CD70: variants seen among roughly 807,000 people sequenced by gnomAD.
CD70 encodes CD70 antigen.
In CD70, 6 loss-of-function variants were observed where a neutral mutation model predicts 9.0. That is an observed-to-expected ratio of 0.67 (90% CI 0.37 to 1.32). The LOEUF is 1.32. Ranked by LOEUF, CD70 falls within the 40% of genes most tolerant of loss-of-function variation. The pLI, the probability that CD70 is intolerant of heterozygous loss-of-function variation, is 0.02. For missense variants in CD70, 235 were observed against 258.7 expected (o/e 0.91, Z 0.63); for synonymous variants, 108 against 112.3 (o/e 0.96, Z 0.24).
chr19:6,585,684 T>A (rs1915998957), downstream of CD70, among the ~76,000 whole-genome samples: 1 of 151,388 alleles, frequency 6.6e-6, no homozygotes, highest in African/African-American at 2.4e-5. Flanking sequence ...AGAACATTTT[T>A]TTTTTCCTGA....
intron 2 of CD70, among the ~76,000 whole-genome samples, chr19:6,587,522 G>A (rs1362543136): frequency 1.3e-5 from 2 of 152,124 alleles, no homozygotes; most frequent in Admixed American, 6.5e-5. Flanking sequence ...GAGAGACAGC[G>A]TGCGCACGAG....
Position 6,590,280 on chromosome 19 carries a change from A to AT in CD70, c.163-145dup, listed in dbSNP as rs200143462. 4.6e-4 allele frequency: 292 copies of AT among 640,522 alleles called. No individual in the cohort carries two copies. The highest frequency in any genetic ancestry group is 6.1e-4 in the East Asian group (22 of 36,350). The allele number at this position is 640,522 out of a possible 1,614,324, so 39.7% of individuals were successfully genotyped here. A position where few individuals can be genotyped will look rare whatever the true frequency, so the allele number is the denominator to read the frequency against. On this transcript the variant is annotated intron_variant, in intron 1 of 2. Transcript: ENST00000245903. This position sits in a 1 kb window ranked among gnomAD's most constrained non-coding sequence, Gnocchi z 5.3. ...CGCACTGGTGATTTTATTTCATTTTATTTTTTTTTACTCTTAAGACTTCTT... is the reference window on the plus strand; with the variant it reads ...CGCACTGGTGATTTTATTTCATTTTATTTTTTTTTTACTCTTAAGACTTCTT...
At chr19:6,589,162 T>C (rs986227577) in intron 2 of CD70, among the ~76,000 whole-genome samples, 1 of 151,350 alleles carries the variant, frequency 6.6e-6, no homozygotes, top group Non-Finnish European at 1.5e-5. Context: ...GATCTCTTTC[T>C]CCCCCGCCCT....
Position 6,590,877 on chromosome 19 carries a change from T to C in CD70, c.126A>G (p.Ala42=). The part of the protein sequence containing the change: ...ICLVVCIQRF[A]QAQQQLPLES... ...CGAGCGGCAGCTGCTGCTGAGCCTGTGCGAAGCGCTGGATGCACACCACGA... is the reference window on the plus strand; with the variant it reads ...CGAGCGGCAGCTGCTGCTGAGCCTGCGCGAAGCGCTGGATGCACACCACGA... Residue 42 remains alanine (A), a synonymous_variant, in exon 1 of 3, where the codon GCA becomes GCG. Transcript: ENST00000245903. This position sits in a 1 kb window ranked among gnomAD's most constrained non-coding sequence, Gnocchi z 5.3. The C allele has an allele frequency of 6.2e-7, 1 of 1,614,032 alleles. No homozygotes were observed. Among genetic ancestry groups the C allele is most frequent in the Non-Finnish European group, 8.5e-7 (1 of 1,179,998 alleles).
downstream of CD70, among the ~76,000 whole-genome samples, chr19:6,582,579 G>C (rs184208052): frequency 2.1e-4 from 30 of 140,048 alleles, no homozygotes; most frequent in African/African-American, 7.2e-4. Flanking sequence ...TATTCTCATT[G>C]TTCAATTTCC....
chr19:6,583,736 T>C (rs1410631645), downstream of CD70, among the ~76,000 whole-genome samples: 1 of 151,466 alleles, frequency 6.6e-6, no homozygotes, highest in Non-Finnish European at 1.5e-5. Flanking sequence ...TTTTTAAATG[T>C]TTAGTAGAGA....
intron 2 of CD70, among the ~76,000 whole-genome samples, chr19:6,587,577 TGC>T (rs1173164238): frequency 6.6e-6 from 1 of 151,894 alleles, no homozygotes; most frequent in Non-Finnish European, 1.5e-5. Context: ...AAGGGACGCC[TGC>T]TCGGGTCACA....
intron 2 of CD70, among the ~76,000 whole-genome samples, chr19:6,586,902 C>CAAAAAAAAA (rs55803401): frequency 5.9e-5 from 5 of 85,326 alleles, no homozygotes; most frequent in Admixed American, 3.2e-4. Flanking sequence ...GAGAGAGAGA[C>CAAAAAAAAA]AAAAAAAAAA....
intron 2 of CD70, among the ~76,000 whole-genome samples, chr19:6,587,673 G>T: frequency 6.6e-6 from 1 of 151,886 alleles, no homozygotes; most frequent in East Asian, 1.9e-4. Flanking sequence ...GTGTCTCAGA[G>T]AGCTCCCCTA....
chr19:6,590,724 G>T lies in CD70; in HGVS notation c.162+117C>A. 1 of 959,346 alleles carries T rather than the reference G, an allele frequency of 1.0e-6. No homozygotes were observed. Among genetic ancestry groups the T allele is most frequent in the Non-Finnish European group, 1.6e-6 (1 of 627,936 alleles). 59.4% of individuals were successfully genotyped at this position (959,346 alleles called of 1,614,324 possible). A position where few individuals can be genotyped will look rare whatever the true frequency, so the allele number is the denominator to read the frequency against. ...GTCCCCGCCTCGCCTCCCTGTTCTG[G>T]TCTCTGTCTCTGCCCTACCAGATCT... is the stretch of plus-strand genomic sequence containing the variant. On this transcript the variant is annotated intron_variant, in intron 1 of 2. Coordinates refer to ENST00000245903, the MANE Select transcript of CD70 (RefSeq NM_001252.5). This position sits in a 1 kb window ranked among gnomAD's most constrained non-coding sequence, Gnocchi z 5.3.
chr19:6,583,490 G>T, downstream of CD70: 1 of 609,994 alleles, frequency 1.6e-6, no homozygotes, highest in South Asian at 1.8e-5. Flanking sequence ...TGGAAATCAA[G>T]TTGTTTTGGT....
chr19:6,591,028 G>A lies in CD70; in HGVS notation c.-26C>T. 2 of 1,569,498 alleles carry A rather than the reference G, an allele frequency of 1.3e-6. No individual in the cohort carries two copies. The highest frequency in any genetic ancestry group is 1.2e-5 in the South Asian group (1 of 86,320). ...CGCCGCGGCGATCACCTCCGCTAGC[G>A]CAGGAGGGGCGATGGGGGCGCGGAG... On this transcript the variant is annotated 5_prime_UTR_variant, in exon 1 of 3. Coordinates refer to ENST00000245903, the MANE Select transcript of CD70 (RefSeq NM_001252.5).
At chr19:6,582,925 G>A (rs1448166812), downstream of CD70, among the ~76,000 whole-genome samples, 2 of 152,152 alleles carry the variant, frequency 1.3e-5, no homozygotes, top group African/African-American at 4.8e-5. Context: ...CTTCCCTGTG[G>A]CTTTGCAGGA....
chr19:6,590,007 CTT>C lies in CD70; in HGVS notation c.196+94_196+95del. On this transcript the variant is annotated intron_variant, in intron 2 of 2. Transcript: ENST00000245903. The surrounding 1 kb of genome is among the most constrained non-coding windows in gnomAD (Gnocchi z 5.3). ...TCTCCCTCCGTCTCTGTCTGTGTCT[CTT>C]TCTCTCTGTCTCTCCCCACTTGTCT... 1.0e-6 allele frequency: 1 copy of C among 976,304 alleles called. No homozygotes were observed. The highest frequency in any genetic ancestry group is 2.1e-5 in the Admixed American group (1 of 48,722). 60.5% of individuals were successfully genotyped at this position (976,304 alleles called of 1,614,324 possible).
At chr19:6,587,053 TGA>T (rs772994396) in intron 2 of CD70, among the ~76,000 whole-genome samples, 3 of 128,776 alleles carry the variant, frequency 2.3e-5, no homozygotes, top group Admixed American at 7.7e-5. Context: ...ACAGAGAGCA[TGA>T]GAGAGAGAGC....
At position 6,590,166 on chromosome 19, in the gene CD70, G is replaced by C. The variant is rs1298296468; in HGVS notation, c.163-30C>G. On this transcript the variant is annotated intron_variant, in intron 1 of 2. Coordinates refer to ENST00000245903, the MANE Select transcript of CD70 (RefSeq NM_001252.5). This position sits in a 1 kb window ranked among gnomAD's most constrained non-coding sequence, Gnocchi z 5.3. ...AAGAAAAGACCAGAAAACAGGGCACGGACGTAAGCAGAGAGGTTCTATGTG... is the reference window on the plus strand; with the variant it reads ...AAGAAAAGACCAGAAAACAGGGCACCGACGTAAGCAGAGAGGTTCTATGTG... 2 of 1,607,534 alleles carry C rather than the reference G, an allele frequency of 1.2e-6. No individual in the cohort carries two copies. Among genetic ancestry groups the C allele is most frequent in the East Asian group, 2.2e-5 (1 of 44,874 alleles).
rs760974505 is a variant in CD70, at chr19:6,586,059, A to T, written c.543T>A (p.Thr181=). ...ACTGCACTCCAAAGAAGGTCTCATC[A>T]GTGTTTCGGGAAGGCAAAAGTGTCC... is the stretch of plus-strand genomic sequence containing the variant. ...LTGTLLPSRN[T]DETFFGVQWV... The change falls in exon 3 of 3, where the codon ACT becomes ACA. Residue 181 remains threonine (T), a synonymous_variant. Transcript: ENST00000245903. 7 of 1,613,916 alleles carry T rather than the reference A, an allele frequency of 4.3e-6. No homozygotes were observed. Among genetic ancestry groups the T allele is most frequent in the Non-Finnish European group, 5.9e-6 (7 of 1,179,910 alleles).
downstream of CD70, among the ~76,000 whole-genome samples, chr19:6,582,249 T>C (rs1434693941): frequency 6.6e-6 from 1 of 151,598 alleles, no homozygotes; most frequent in Non-Finnish European, 1.5e-5. Context: ...TTGCCCAGGC[T>C]GGTCTCGAAC....
At chr19:6,583,813 A>C (rs1915965335), downstream of CD70, among the ~76,000 whole-genome samples, 1 of 114,536 alleles carries the variant, frequency 8.7e-6, no homozygotes, top group Admixed American at 1.0e-4. Flanking sequence ...TTTTTTTGAG[A>C]TGGAGTTTCG....
Sources: gnomAD v4.1 joint callset for allele counts (sites outside exome capture counted in the v4.1 genomes callset) on GRCh38, gnomAD v4.1.1 for gene constraint, Gnocchi (gnomAD v3.1) non-coding constraint, MANE v1.5 for transcripts, NCBI Gene and HGNC (gene_info 2026-07-23, HGNC 2026-07-21) for gene names.